The following VIPAS39 variants were observed in gnomAD, a reference collection of about 807,000 sequenced individuals.
The protein encoded by VIPAS39 is VPS33B interacting protein, apical-basolateral polarity regulator, spe-39 homolog.
VIPAS39 carries 63 observed loss-of-function variants against 84.7 expected under a neutral mutation model. The ratio of observed to expected loss-of-function variants is 0.74; its 90% confidence interval spans 0.61 to 0.92. The LOEUF (loss-of-function observed/expected upper bound fraction) is 0.92, where lower values mean the gene tolerates loss of function less well. VIPAS39 is among the 40% of genes least tolerant of loss of function. The pLI is 0.00. For synonymous variants in VIPAS39, 192 were observed against 216.5 expected, an observed-to-expected ratio of 0.89 and a Z score of 0.99; for missense variants, 499 against 604.5, an observed-to-expected ratio of 0.83 and a Z score of 1.83.
intron 1 of VIPAS39, 69 bp from the exon 2 acceptor site, chr14:77,454,171 T>C: frequency 7.0e-7 from 1 of 1,420,126 alleles, no homozygotes; most frequent in Admixed American, 1.7e-5. Context: ...AAAGCTTTAG[T>C]TTCCTGCACC....
chr14:77,430,141 C>T lies in VIPAS39; in HGVS notation c.1180-374G>A, dbSNP rs2078498200. On this transcript the variant is annotated intron_variant, in intron 16 of 19. Transcript: ENST00000557658. ...AATTCATGAGGGAAGGTCTGGAAAG[C>T]TACCCATTAAACTTTTAACAGTGTT... is the stretch of plus-strand genomic sequence containing the variant. Among the ~76,000 whole-genome samples, 4 of 152,142 alleles carry T rather than the reference C, an allele frequency of 2.6e-5. No homozygotes were observed. In the South Asian group the frequency reaches 8.3e-4, roughly 32 times the overall value.
At chr14:77,433,604 A>G (rs1594895600) in intron 16 of VIPAS39, among the ~76,000 whole-genome samples, 1 of 152,262 alleles carries the variant, frequency 6.6e-6, no homozygotes, top group South Asian at 2.1e-4. Context: ...AAAAAGAGAA[A>G]GCATACATGG....
intron 16 of VIPAS39, among the ~76,000 whole-genome samples, chr14:77,430,730 A>G (rs2078508853): frequency 6.7e-6 from 1 of 149,948 alleles, no homozygotes; most frequent in African/African-American, 2.5e-5. Flanking sequence ...AAAGAAAAAA[A>G]AAAAAAAAGG....
intron 1 of VIPAS39, among the ~76,000 whole-genome samples, chr14:77,454,675 C>CAAA (rs529008875): frequency 0.46 from 57,139 of 124,386 alleles, 14,842 homozygotes; most frequent in East Asian, 0.92. Context: ...ACTCCGTCTC[C>CAAA]AAAAAAAAAA....
At chr14:77,449,189 TAA>T in intron 6 of VIPAS39, 102 bp downstream of exon 6, 1 of 1,322,242 alleles carries the variant, frequency 7.6e-7, no homozygotes, top group Non-Finnish European at 1.1e-6. Flanking sequence ...AAAACAGGGT[TAA>T]AAAAATATCT....
At chr14:77,438,644 G>A (rs1477098979) in intron 11 of VIPAS39, among the ~76,000 whole-genome samples, 2 of 152,290 alleles carry the variant, frequency 1.3e-5, no homozygotes, top group Non-Finnish European at 2.9e-5. Flanking sequence ...TTTAGCCTCA[G>A]TATTTAACCA....
chr14:77,441,126 T>TATC, intron 10 of VIPAS39, 33 bp from the exon 11 acceptor site: 1 of 1,612,292 alleles, frequency 6.2e-7, no homozygotes. Context: ...AGGGCATTTG[T>TATC]ATCTATTGAT....
At position 77,429,756 on chromosome 14, in the gene VIPAS39, G is replaced by C. The variant is rs1401829127; in HGVS notation, c.1191C>G (p.Gly397=). The C allele has an allele frequency of 6.2e-7, 1 of 1,614,198 alleles. No homozygotes were observed. The highest frequency in any genetic ancestry group is 8.5e-7 in the Non-Finnish European group (1 of 1,180,014). ...CAATGGGTGCTCTCTTCTTGGTATAGCCCAGCCAGTTCTGAAAGAGGAAGA... is the reference window on the plus strand; with the variant it reads ...CAATGGGTGCTCTCTTCTTGGTATACCCCAGCCAGTTCTGAAAGAGGAAGA... ...DALFTTKNWL[G]YTKKRAPIGF... The change falls in exon 17 of 20, where the codon GGC becomes GGG. Residue 397 remains glycine, a synonymous_variant. Coordinates refer to ENST00000557658, the MANE Select transcript of VIPAS39 (RefSeq NM_001193315.2).
At chr14:77,457,136 A>G in intron 1 of VIPAS39, 2 of 1,420,402 alleles carry the variant, frequency 1.4e-6, no homozygotes, top group Non-Finnish European at 9.2e-7. Flanking sequence ...CGAGCCAGGA[A>G]GATACAGGTG....
chr14:77,457,118 T>C, intron 1 of VIPAS39: 1 of 1,414,504 alleles, frequency 7.1e-7, no homozygotes, highest in South Asian at 1.5e-5. Flanking sequence ...TTGGTTTCAA[T>C]TATCTTCCGA....
chr14:77,428,396 TCTC>T lies in VIPAS39; in HGVS notation c.1432_1434del (p.Glu478del), dbSNP rs866847808. The T allele has an allele frequency of 1.1e-5, 17 of 1,613,760 alleles. No homozygotes were observed. The highest frequency in any genetic ancestry group is 1.3e-5 in the Non-Finnish European group (15 of 1,179,902). On this transcript the variant is annotated inframe_deletion, in exon 19 of 20. Transcript: ENST00000557658. ...GAGCTGCTGAGAAGAGCATCAATCTTCTCCTCCTCTGCTGATCCTTTATCTACC... is the reference window on the plus strand; with the variant it reads ...GAGCTGCTGAGAAGAGCATCAATCTTCTCCTCTGCTGATCCTTTATCTACC...
chr14:77,454,119 A>T lies in VIPAS39; in HGVS notation c.1-17T>A. 1 of 1,612,290 alleles carries T rather than the reference A, an allele frequency of 6.2e-7. No homozygotes were observed. The highest frequency in any genetic ancestry group is 8.5e-7 in the Non-Finnish European group (1 of 1,178,330). ...CCGATTCATCTACAGTGACAGGAAA[A>T]CATACATTGCCCCTTTCTGGGTCTC... On this transcript the variant is annotated splice_polypyrimidine_tract_variant and intron_variant, in intron 1 of 19. Coordinates refer to ENST00000557658, the MANE Select transcript of VIPAS39 (RefSeq NM_001193315.2).
intron 11 of VIPAS39, among the ~76,000 whole-genome samples, chr14:77,439,686 G>T (rs370553971): frequency 1.3e-5 from 2 of 151,880 alleles, no homozygotes; most frequent in Non-Finnish European, 2.9e-5. Flanking sequence ...AGCTACTTGG[G>T]AGCCTAAGGC....
Position 77,451,246 on chromosome 14 carries a change from G to T in VIPAS39, c.284C>A (p.Ser95Tyr). The change falls in exon 4 of 20, where the codon TCC becomes TAC. Residue 95 changes from serine to tyrosine, a missense_variant. Physicochemically the swap from Ser to Tyr is moderately radical, Grantham distance 144 (BLOSUM62 -2). Transcript: ENST00000557658. The stretch of plus-strand genomic sequence containing the variant: ...AGGCTTGGGTAGTTGTGCATAGGAG[G>T]AGAAGCTGTTTCGGCTCTTTAGCTG... ...REQLKSRNSF[S>Y]SYAQLPKPTS... 6.2e-7 allele frequency: 1 copy of T among 1,614,254 alleles called. No homozygotes were observed. Among genetic ancestry groups the T allele is most frequent in the Non-Finnish European group, 8.5e-7 (1 of 1,180,050 alleles).
intron 11 of VIPAS39, among the ~76,000 whole-genome samples, chr14:77,438,362 G>A (rs987592077): frequency 1.3e-5 from 2 of 151,912 alleles, no homozygotes; most frequent in African/African-American, 4.8e-5. Flanking sequence ...CCAAGTAGCT[G>A]GGATTACAGG....
At chr14:77,435,085 C>CAAA in intron 14 of VIPAS39, 174 bp downstream of exon 14, 1 of 930,374 alleles carries the variant, frequency 1.1e-6, no homozygotes, top group Non-Finnish European at 1.6e-6. Context: ...AACCTCTTTT[C>CAAA]CCTCCTGGCC....
chr14:77,454,692 A>AAAG (rs2078935116), intron 1 of VIPAS39, among the ~76,000 whole-genome samples: 1 of 151,092 alleles, frequency 6.6e-6, no homozygotes, highest in East Asian at 1.9e-4. Flanking sequence ...AAAAAAAAAA[A>AAAG]GTGTCAGACG....
At chr14:77,438,066 T>C (rs1471853462) in intron 11 of VIPAS39, among the ~76,000 whole-genome samples, 185 bp from the exon 12 acceptor site, 3 of 152,176 alleles carry the variant, frequency 2.0e-5, no homozygotes, top group African/African-American at 4.8e-5. Context: ...TATCTATAAC[T>C]GCACTGTACG....
intron 8 of VIPAS39, among the ~76,000 whole-genome samples, 182 bp downstream of exon 8, chr14:77,444,067 C>T (rs1016907330): frequency 2.0e-5 from 3 of 151,242 alleles, no homozygotes; most frequent in African/African-American, 7.3e-5. Context: ...CAGGGTTCCA[C>T]GCTTAGTGCA....
Sources: gnomAD v4.1 joint callset for allele counts (sites outside exome capture counted in the v4.1 genomes callset) on GRCh38, gnomAD v4.1.1 for gene constraint, MANE v1.5 for transcripts, NCBI Gene and HGNC (gene_info 2026-07-23, HGNC 2026-07-21) for gene names.